ZDHHC5: variants seen among roughly 807,000 people sequenced by gnomAD.
The protein encoded by ZDHHC5 is palmitoyltransferase ZDHHC5.
A neutral mutation model predicts 70.0 loss-of-function variants in ZDHHC5; 22 were observed. The ratio of observed to expected loss-of-function variants is 0.31; its 90% CI spans 0.22 to 0.45. The LOEUF (loss-of-function observed/expected upper bound fraction) is 0.45, where lower values mean the gene tolerates loss of function less well. ZDHHC5 is among the 20% of genes least tolerant of loss of function. The probability of loss-of-function intolerance (pLI) is 1.00; values close to 1 mark genes in which losing one functional copy is unlikely to be tolerated. For missense variants in ZDHHC5, 746 were observed against 926.9 expected (o/e 0.80, Z 2.53); for synonymous variants, 313 against 347.8 (o/e 0.90, Z 1.11).
chr11:57,698,508 AGCTTCTG>A, intron 10 of ZDHHC5, 44 bp from the exon 11 acceptor site: 8 of 1,536,540 alleles, frequency 5.2e-6, no homozygotes, highest in Non-Finnish European at 7.0e-6. Flanking sequence ...TCTGGGGTCT[AGCTTCTG>A]TCACAAAAGG....
rs1946397594 is a variant in ZDHHC5, at chr11:57,699,002, C to G, written c.1566C>G (p.Gly522=). The G allele has an allele frequency of 6.2e-7, 1 of 1,609,376 alleles. No individual in the cohort carries two copies. Among genetic ancestry groups the G allele is most frequent in the Non-Finnish European group, 8.5e-7 (1 of 1,179,996 alleles). Residue 522 remains glycine, a synonymous_variant, in exon 11 of 12, where the codon GGC becomes GGG. Transcript: ENST00000287169. ...GGCACCCACGTTTGGTGCCAACTGGCCCAACACACCGAGAGCCCTCACCAG... is the reference window on the plus strand; with the variant it reads ...GGCACCCACGTTTGGTGCCAACTGGGCCAACACACCGAGAGCCCTCACCAG... The part of the protein sequence containing the change: ...AERHPRLVPT[G]PTHREPSPVR...
At chr11:57,669,111 C>G (rs1945966476) in intron 1 of ZDHHC5, among the ~76,000 whole-genome samples, 1 of 152,182 alleles carries the variant, frequency 6.6e-6, no homozygotes, top group Non-Finnish European at 1.5e-5. Flanking sequence ...ATTGTATAAA[C>G]TTAATGTTTA....
intron 2 of ZDHHC5, chr11:57,681,442 C>T (rs559642529): frequency 6.6e-6 from 1 of 152,304 alleles, no homozygotes; most frequent in Non-Finnish European, 1.5e-5. Context: ...TATTTATCCA[C>T]TGTCTTGGTA....
At chr11:57,687,020 G>A (rs1431339535) in intron 3 of ZDHHC5, among the ~76,000 whole-genome samples, 1 of 151,730 alleles carries the variant, frequency 6.6e-6, no homozygotes, top group Non-Finnish European at 1.5e-5. Flanking sequence ...TTGTAGAGAT[G>A]GGGTTTCGCC....
chr11:57,681,525 C>G (rs965597692), intron 2 of ZDHHC5: 1 of 152,174 alleles, frequency 6.6e-6, no homozygotes, highest in African/African-American at 2.4e-5. Flanking sequence ...TCAGGTTCTT[C>G]CAAAACTTCC....
Position 57,700,432 on chromosome 11 carries a change from T to TA in ZDHHC5, c.*401_*402insA, listed in dbSNP as rs1491299857. The stretch of plus-strand genomic sequence containing the variant: ...TACATATAATATATATATATATATA[T>TA]TATAAATATCAAAGAAATTATATAT... On this transcript the variant is annotated 3_prime_UTR_variant, in exon 12 of 12. Transcript: ENST00000287169. The TA allele has an allele frequency of 5.4e-5, 8 of 148,372 alleles. No homozygotes were observed. The highest frequency in any genetic ancestry group is 3.9e-4 in the East Asian group (2 of 5,094). 9.2% of individuals were successfully genotyped at this position (148,372 alleles called of 1,614,324 possible).
intron 6 of ZDHHC5, among the ~76,000 whole-genome samples, chr11:57,691,482 C>T (rs2135398041): frequency 6.6e-6 from 1 of 152,248 alleles, no homozygotes; most frequent in Non-Finnish European, 1.5e-5. Context: ...CAGGCATGAG[C>T]CACTGCGCCC....
chr11:57,695,039 G>T (rs940865764), intron 8 of ZDHHC5, among the ~76,000 whole-genome samples: 6 of 152,114 alleles, frequency 3.9e-5, no homozygotes, highest in Non-Finnish European at 7.4e-5. Flanking sequence ...GAGGTGGGTG[G>T]ATCACCTGAG....
intron 4 of ZDHHC5, 64 bp from the exon 5 acceptor site, chr11:57,689,967 T>C (rs1253743080): frequency 1.3e-6 from 2 of 1,550,644 alleles, no homozygotes; most frequent in Non-Finnish European, 1.8e-6. Context: ...GTTTCTCTTC[T>C]TGACAGAAGT....
intron 6 of ZDHHC5, among the ~76,000 whole-genome samples, chr11:57,690,821 G>C (rs1296475225): frequency 2.0e-5 from 3 of 152,150 alleles, no homozygotes; most frequent in Non-Finnish European, 4.4e-5. Flanking sequence ...TCACGGGGTG[G>C]GGAACATAAC....
At chr11:57,697,634 G>A (rs1402137325) in intron 10 of ZDHHC5, among the ~76,000 whole-genome samples, 3 of 127,614 alleles carry the variant, frequency 2.4e-5, no homozygotes, top group African/African-American at 9.1e-5. Flanking sequence ...CAGAGTGAGA[G>A]TCCATCTCAA....
Position 57,699,075 on chromosome 11 carries a change from C to A in ZDHHC5, c.1639C>A (p.Arg547=). 1 of 1,613,592 alleles carries A rather than the reference C, an allele frequency of 6.2e-7. No homozygotes were observed. The highest frequency in any genetic ancestry group is 8.5e-7 in the Non-Finnish European group (1 of 1,179,850). Residue 547 remains arginine, a synonymous_variant, in exon 11 of 12, where the codon CGA becomes AGA. Transcript: ENST00000287169. Reference sequence around the variant, plus strand: ...CCACATTGTGGCCTCTCTCCAGGAACGAGAGAAGTTGCTGCGCCAGTCACC... The same window carrying A: ...CCACATTGTGGCCTCTCTCCAGGAAAGAGAGAAGTTGCTGCGCCAGTCACC... ...SRHIVASLQE[R]EKLLRQSPPL...
intron 9 of ZDHHC5, 25 bp downstream of exon 9, chr11:57,696,068 A>G (rs1946348193): frequency 2.5e-6 from 4 of 1,600,456 alleles, no homozygotes; most frequent in African/African-American, 2.7e-5. Flanking sequence ...GATTTGCAAG[A>G]TACTAGAACT....
chr11:57,682,674 C>T (rs1040052781), intron 3 of ZDHHC5, 131 bp downstream of exon 3: 56 of 1,162,398 alleles, frequency 4.8e-5, no homozygotes, highest in African/African-American at 9.5e-5. Context: ...TTTGGGCATA[C>T]GCAGTTGATC....
intron 3 of ZDHHC5, 110 bp from the exon 4 acceptor site, chr11:57,688,398 T>A (rs1946239368): frequency 8.1e-7 from 1 of 1,240,406 alleles, no homozygotes; most frequent in African/African-American, 1.5e-5. Flanking sequence ...TCTCACTCAT[T>A]AGACTGTGAA....
chr11:57,672,494 T>A lies in ZDHHC5; in HGVS notation c.-597T>A, dbSNP rs1946018598. On this transcript the variant is annotated 5_prime_UTR_variant, in exon 2 of 12. Transcript: ENST00000287169. Reference sequence around the variant, plus strand: ...AAGACTACCTAAAAGAGACAAAGACTGCAGTAAACAAAGCTCCTCTTTAAA... The same window carrying A: ...AAGACTACCTAAAAGAGACAAAGACAGCAGTAAACAAAGCTCCTCTTTAAA... The A allele has an allele frequency of 5.6e-6, 2 of 359,824 alleles. No individual in the cohort carries two copies. The highest frequency in any genetic ancestry group is 9.9e-6 in the Non-Finnish European group (2 of 202,480). 22.3% of individuals were successfully genotyped at this position (359,824 alleles called of 1,614,324 possible). A position where few individuals can be genotyped will look rare whatever the true frequency, so the allele number is the denominator to read the frequency against.
chr11:57,687,565 C>T (rs997880338), intron 3 of ZDHHC5, among the ~76,000 whole-genome samples: 3 of 151,194 alleles, frequency 2.0e-5, no homozygotes, highest in African/African-American at 4.9e-5. Context: ...AGCAAGACTC[C>T]GTCTCAAGAA....
intron 6 of ZDHHC5, among the ~76,000 whole-genome samples, chr11:57,691,467 G>C (rs1014247494): frequency 2.6e-5 from 4 of 152,086 alleles, no homozygotes; most frequent in Admixed American, 6.6e-5. Flanking sequence ...AAAGTGCAGG[G>C]ATTACAGGCA....
At chr11:57,697,024 G>T (rs902681950) in intron 10 of ZDHHC5, 151 bp downstream of exon 10, 1 of 760,220 alleles carries the variant, frequency 1.3e-6, no homozygotes, top group South Asian at 1.7e-5. Context: ...GTGAAACCCC[G>T]TCTCTACTAA....
Sources: allele counts gnomAD v4.1 joint callset (sites outside exome capture counted in the v4.1 genomes callset), GRCh38; gene constraint gnomAD v4.1.1; transcripts MANE v1.5; gene names NCBI Gene and HGNC (gene_info 2026-07-23, HGNC 2026-07-21).